The following DNAJC13 variants were observed in gnomAD, a reference collection of about 807,000 sequenced individuals.
DNAJC13 encodes the protein dnaJ homolog subfamily C member 13.
In DNAJC13, 75 loss-of-function variants were observed where a neutral mutation model predicts 290.5. That is an observed-to-expected ratio of 0.26 (90% CI 0.21 to 0.31). The LOEUF is 0.31. DNAJC13 is among the 10% of genes least tolerant of loss of function. The probability of loss-of-function intolerance (pLI) is 1.00; values close to 1 mark genes in which losing one functional copy is unlikely to be tolerated. For missense variants in DNAJC13, 2,260 were observed against 2,674.5 expected, an observed-to-expected ratio of 0.85 and a Z score of 3.42; for synonymous variants, 862 against 892.0, an observed-to-expected ratio of 0.97 and a Z score of 0.60.
chr3:132,430,089 A>G (rs1266839213), intron 1 of DNAJC13, among the ~76,000 whole-genome samples: 2 of 152,130 alleles, frequency 1.3e-5, no homozygotes, highest in East Asian at 3.9e-4. Context: ...AGGCCAGGTC[A>G]TTGGTAGTTT....
At chr3:132,499,849 T>G in intron 38 of DNAJC13, 41 bp downstream of exon 38, 1 of 1,554,330 alleles carries the variant, frequency 6.4e-7, no homozygotes, top group Non-Finnish European at 8.9e-7. Flanking sequence ...TTGCACTAGT[T>G]CAATGGTTCA....
chr3:132,467,413 T>C (rs1934033513), intron 20 of DNAJC13, 100 bp downstream of exon 20: 1 of 1,158,706 alleles, frequency 8.6e-7, no homozygotes. Context: ...CATTTCTTGC[T>C]GAATACCTGA....
intron 40 of DNAJC13, among the ~76,000 whole-genome samples, chr3:132,502,818 G>A (rs577811872): frequency 1.3e-5 from 2 of 152,162 alleles, no homozygotes; most frequent in Non-Finnish European, 2.9e-5. Context: ...AAACACTTGA[G>A]TACTTGTCTG....
At chr3:132,525,810 T>A in intron 52 of DNAJC13, 21 bp downstream of exon 52, 1 of 1,608,664 alleles carries the variant, frequency 6.2e-7, no homozygotes, top group Non-Finnish European at 8.5e-7. Context: ...ATACACTTAG[T>A]AGTTTATAAG....
intron 6 of DNAJC13, among the ~76,000 whole-genome samples, chr3:132,452,122 C>T (rs1933434306): frequency 6.6e-6 from 1 of 152,114 alleles, no homozygotes; most frequent in African/African-American, 2.4e-5. Flanking sequence ...GCCTGTCAGG[C>T]CTTAATAGGA....
At chr3:132,425,129 C>G (rs1476866526) in intron 1 of DNAJC13, among the ~76,000 whole-genome samples, 3 of 152,082 alleles carry the variant, frequency 2.0e-5, no homozygotes, top group Non-Finnish European at 4.4e-5. Context: ...AAACCTAGAT[C>G]CTCAAGAAGC....
chr3:132,481,408 C>A (rs1320674527), intron 26 of DNAJC13, among the ~76,000 whole-genome samples: 2 of 151,970 alleles, frequency 1.3e-5, no homozygotes, highest in Non-Finnish European at 2.9e-5. Context: ...AGCAAATTGG[C>A]AAAACCTGTC....
chr3:132,422,436 C>T (rs72990480), intron 1 of DNAJC13, among the ~76,000 whole-genome samples: 2,248 of 152,280 alleles, frequency 0.015, 54 homozygotes, highest in African/African-American at 0.05. Context: ...GCTAGTAGTG[C>T]TCCCAGTCAT....
At chr3:132,438,403 A>G (rs1270024999) in intron 2 of DNAJC13, among the ~76,000 whole-genome samples, 1 of 152,244 alleles carries the variant, frequency 6.6e-6, no homozygotes, top group African/African-American at 2.4e-5. Flanking sequence ...GTGTTAATGT[A>G]AAAAATAAAT....
In DNAJC13 at chr3:132,516,832, G is replaced by C. The variant is rs754297915; in HGVS notation, c.5673+16G>C. 1.8e-5 allele frequency: 29 copies of C among 1,570,330 alleles called. No individual in the cohort carries two copies. The South Asian group carries it at 3.1e-4, about 17-fold the overall frequency. On this transcript the variant is annotated intron_variant, in intron 48 of 55. Coordinates refer to ENST00000260818, the MANE Select transcript of DNAJC13 (RefSeq NM_015268.4). ...AGGTCCAAAGGTAGGCACAAAATAA[G>C]TTCTTGAAAGGAAATTAATTATTAA...
chr3:132,461,915 G>A (rs895259232), intron 15 of DNAJC13, among the ~76,000 whole-genome samples: 9 of 152,010 alleles, frequency 5.9e-5, no homozygotes, highest in South Asian at 2.1e-4. Context: ...CTGTTCTCAT[G>A]CCCCTGAGCT....
At chr3:132,421,808 T>G (rs1260693875) in intron 1 of DNAJC13, among the ~76,000 whole-genome samples, 2 of 152,116 alleles carry the variant, frequency 1.3e-5, no homozygotes, top group Non-Finnish European at 2.9e-5. Flanking sequence ...ATACCACAAT[T>G]GAGATTATTA....
At chr3:132,431,312 T>G (rs1034992224) in intron 1 of DNAJC13, among the ~76,000 whole-genome samples, 1 of 152,078 alleles carries the variant, frequency 6.6e-6, no homozygotes, top group Admixed American at 6.5e-5. Context: ...CACATTAGAA[T>G]GTGGAAAGTG....
At chr3:132,505,249 A>C (rs1221561661) in intron 41 of DNAJC13, 53 bp from the exon 42 acceptor site, 6 of 1,148,074 alleles carry the variant, frequency 5.2e-6, no homozygotes, top group Non-Finnish European at 7.8e-6. Context: ...ATAAGTGATA[A>C]TGTCAATAAG....
intron 28 of DNAJC13, 33 bp from the exon 29 acceptor site, chr3:132,484,555 T>C (rs1222411794): frequency 1.9e-6 from 3 of 1,585,928 alleles, no homozygotes; most frequent in Non-Finnish European, 2.6e-6. Flanking sequence ...TTAACAAATA[T>C]ATTAAATGTT....
At position 132,505,284 on chromosome 3, in the gene DNAJC13, G is replaced by A. The variant is rs62292959; in HGVS notation, c.4885-18G>A. On this transcript the variant is annotated intron_variant, in intron 41 of 55. Transcript: ENST00000260818. ...GTTTTTTCACTAAATGTTATAAAAC[G>A]GTAATATTGTCTCCTAGATTTTGAA... 162,571 of 1,459,156 alleles carry A rather than the reference G, an allele frequency of 0.11. 9,758 individuals carry two copies. Among genetic ancestry groups the A allele is most frequent in the Middle Eastern group, 0.15 (867 of 5,668 alleles). 90.4% of individuals were successfully genotyped at this position (1,459,156 alleles called of 1,614,324 possible). A position where few individuals can be genotyped will look rare whatever the true frequency, so the allele number is the denominator to read the frequency against.
intron 53 of DNAJC13, among the ~76,000 whole-genome samples, chr3:132,527,613 C>G (rs547953874): frequency 5.3e-5 from 8 of 152,304 alleles, no homozygotes; most frequent in African/African-American, 1.9e-4. Flanking sequence ...GACTATCTCA[C>G]AAGGTTGTTA....
intron 43 of DNAJC13, among the ~76,000 whole-genome samples, chr3:132,507,706 A>G (rs1260512126): frequency 6.6e-6 from 1 of 152,140 alleles, no homozygotes; most frequent in African/African-American, 2.4e-5. Context: ...AACTTCATCA[A>G]TAAATGTATG....
chr3:132,477,565 T>C (rs1188805187), intron 22 of DNAJC13, among the ~76,000 whole-genome samples: 1 of 152,204 alleles, frequency 6.6e-6, no homozygotes, highest in African/African-American at 2.4e-5. Context: ...CCTTTTTTAA[T>C]TGACACCAGA....
Sources: allele counts gnomAD v4.1 joint callset (sites outside exome capture counted in the v4.1 genomes callset), GRCh38; gene constraint gnomAD v4.1.1; transcripts MANE v1.5; gene names NCBI Gene and HGNC (gene_info 2026-07-23, HGNC 2026-07-21).